The following GULP1 variants were observed in gnomAD, a reference collection of about 807,000 sequenced individuals.
GULP1 encodes PTB domain-containing engulfment adapter protein 1.
A neutral mutation model predicts 40.9 loss-of-function variants in GULP1; 19 were observed. That is an observed-to-expected ratio of 0.46 (90% CI 0.32 to 0.68). The LOEUF is 0.68. GULP1 is among the 30% of genes least tolerant of loss of function. GULP1 has a pLI of 0.03. For synonymous variants in GULP1, 119 were observed against 117.6 expected (o/e 1.01, Z -0.08); for missense variants, 312 against 362.2 (o/e 0.86, Z 1.12).
chr2:188,568,395 T>C (rs1294932731), intron 7 of GULP1, among the ~76,000 whole-genome samples: 1 of 152,202 alleles, frequency 6.6e-6, no homozygotes, highest in Non-Finnish European at 1.5e-5. Flanking sequence ...CTTTAGTCTT[T>C]ACTATGTGCA....
intron 2 of GULP1, among the ~76,000 whole-genome samples, chr2:188,395,984 C>T (rs927638197): frequency 6.6e-6 from 1 of 152,210 alleles, no homozygotes; most frequent in Admixed American, 6.5e-5. Context: ...CTCAGGACCT[C>T]ATGATTAGCC....
intron 1 of GULP1, among the ~76,000 whole-genome samples, chr2:188,348,672 A>T (rs1224779788): frequency 1.3e-5 from 2 of 152,206 alleles, no homozygotes; most frequent in Non-Finnish European, 2.9e-5. Context: ...AATAATTATC[A>T]TTTCATAAGA....
intron 2 of GULP1, among the ~76,000 whole-genome samples, chr2:188,405,134 C>T (rs1368380716): frequency 6.6e-6 from 1 of 152,160 alleles, no homozygotes; most frequent in Admixed American, 6.5e-5. Flanking sequence ...AGGTTTCAGA[C>T]TGGTCTCTGT....
chr2:188,432,929 G>A (rs1041302560), intron 2 of GULP1, among the ~76,000 whole-genome samples: 1 of 151,850 alleles, frequency 6.6e-6, no homozygotes, highest in Non-Finnish European at 1.5e-5. Flanking sequence ...TTTTACTTCA[G>A]AACTCTGGCT....
chr2:188,399,240 C>T (rs1032715868), intron 2 of GULP1, among the ~76,000 whole-genome samples: 2 of 152,168 alleles, frequency 1.3e-5, no homozygotes, highest in African/African-American at 4.8e-5. Context: ...AGGAGCCAGA[C>T]TGTTCTAGGC....
chr2:188,296,497 T>A (rs1242795642), intron 1 of GULP1, among the ~76,000 whole-genome samples: 1 of 152,100 alleles, frequency 6.6e-6, no homozygotes. Context: ...GGATAGTAAG[T>A]GTCAATTTTC....
intron 1 of GULP1, among the ~76,000 whole-genome samples, chr2:188,327,538 G>A (rs934864403): frequency 2.0e-5 from 3 of 152,088 alleles, no homozygotes; most frequent in Admixed American, 2.0e-4. Flanking sequence ...ATGGACCACA[G>A]GCTTCAGGGC....
intron 2 of GULP1, among the ~76,000 whole-genome samples, chr2:188,439,122 A>G (rs1273533976): frequency 6.6e-6 from 1 of 152,158 alleles, no homozygotes; most frequent in Non-Finnish European, 1.5e-5. Flanking sequence ...ATTGTTATTC[A>G]ATAAATGTTT....
At chr2:188,408,888 T>C (rs759715723) in intron 2 of GULP1, among the ~76,000 whole-genome samples, 51 of 152,144 alleles carry the variant, frequency 3.4e-4, no homozygotes, top group Non-Finnish European at 6.5e-4. Context: ...AAATATGTGG[T>C]AATTAAACCA....
intron 9 of GULP1, among the ~76,000 whole-genome samples, chr2:188,572,480 C>A (rs1348307989): frequency 6.6e-6 from 1 of 152,092 alleles, no homozygotes; most frequent in Non-Finnish European, 1.5e-5. Flanking sequence ...CTTTAAATCA[C>A]GGTCTTACAC....
intron 2 of GULP1, among the ~76,000 whole-genome samples, chr2:188,447,277 G>T (rs2152899559): frequency 6.6e-6 from 1 of 152,220 alleles, no homozygotes; most frequent in East Asian, 1.9e-4. Flanking sequence ...TAGACTTAAA[G>T]AGTCATTTCT....
intron 2 of GULP1, among the ~76,000 whole-genome samples, chr2:188,413,245 C>G (rs2054150251): frequency 6.6e-6 from 1 of 152,176 alleles, no homozygotes; most frequent in South Asian, 2.1e-4. Flanking sequence ...GTTTCTAGTT[C>G]TAGATCCTTG....
chr2:188,385,619 T>C (rs1319844054), intron 2 of GULP1, among the ~76,000 whole-genome samples: 1 of 152,180 alleles, frequency 6.6e-6, no homozygotes, highest in East Asian at 1.9e-4. Flanking sequence ...TTTCTGAACT[T>C]GTATGCTCTG....
intron 4 of GULP1, among the ~76,000 whole-genome samples, chr2:188,515,620 T>A (rs2065088758): frequency 6.6e-6 from 1 of 151,998 alleles, no homozygotes; most frequent in Non-Finnish European, 1.5e-5. Flanking sequence ...CTCTGCCCAG[T>A]CCATCTGTGT....
chr2:188,439,113 T>C (rs887580992), intron 2 of GULP1, among the ~76,000 whole-genome samples: 1 of 152,138 alleles, frequency 6.6e-6, no homozygotes, highest in Non-Finnish European at 1.5e-5. Flanking sequence ...CTACCAACTA[T>C]TGTTATTCAA....
intron 1 of GULP1, among the ~76,000 whole-genome samples, chr2:188,311,777 A>C (rs2038163809): frequency 1.4e-5 from 2 of 147,962 alleles, no homozygotes; most frequent in Non-Finnish European, 3.0e-5. Flanking sequence ...TAAATATTTA[A>C]ATACAATAAA....
chr2:188,451,727 T>G (rs2058846425), intron 2 of GULP1, among the ~76,000 whole-genome samples: 1 of 152,146 alleles, frequency 6.6e-6, no homozygotes, highest in African/African-American at 2.4e-5. Flanking sequence ...TTATCTCTCT[T>G]TATAGTTTAT....
At chr2:188,498,141 A>G (rs2063079533) in intron 4 of GULP1, among the ~76,000 whole-genome samples, 1 of 151,982 alleles carries the variant, frequency 6.6e-6, no homozygotes, top group Admixed American at 6.6e-5. Context: ...TGAGGTGGCC[A>G]TTATAATCAG....
chr2:188,419,339 T>C (rs114833226), intron 2 of GULP1, among the ~76,000 whole-genome samples: 1,525 of 152,240 alleles, frequency 0.01, 7 homozygotes, highest in Non-Finnish European at 0.016. Context: ...AGAGTCCCAA[T>C]TTCTCCATAC....
Sources: allele counts gnomAD v4.1 joint callset (sites outside exome capture counted in the v4.1 genomes callset), GRCh38; gene constraint gnomAD v4.1.1; transcripts MANE v1.5; gene names NCBI Gene and HGNC (gene_info 2026-07-23, HGNC 2026-07-21).